TBC1D22B: variants seen among roughly 807,000 people sequenced by gnomAD.
TBC1D22B encodes chromosome 6 open reading frame 197.
Under a neutral mutation model 69.1 loss-of-function variants are expected in TBC1D22B, and 32 were observed. The ratio of observed to expected loss-of-function variants is 0.46; its 90% confidence interval spans 0.35 to 0.62. The LOEUF is 0.62. Among genes scored for constraint, TBC1D22B ranks in the 20% least tolerant of loss-of-function variants. The pLI is 0.00. For missense variants in TBC1D22B, 462 were observed against 630.9 expected (o/e 0.73, Z 2.87); for synonymous variants, 206 against 229.8 (o/e 0.90, Z 0.94).
Position 37,257,866 on chromosome 6 carries a change from C to G in TBC1D22B, c.-52C>G. The G allele has an allele frequency of 6.3e-7, 1 of 1,593,290 alleles. No homozygotes were observed. Among genetic ancestry groups the G allele is most frequent in the Non-Finnish European group, 8.6e-7 (1 of 1,169,158 alleles). ...CTCAGATTGCGGGGTCTGGGGGCAT[C>G]TCGCCGGGCAAACCCTTGGCCCGCC... On this transcript the variant is annotated 5_prime_UTR_variant, in exon 1 of 13. In the 5' UTR this introduces an upstream ATG that the reference lacks. Coordinates refer to ENST00000373491, the MANE Select transcript of TBC1D22B (RefSeq NM_017772.4).
At chr6:37,318,931 C>CTT (rs1768161483) in intron 12 of TBC1D22B, among the ~76,000 whole-genome samples, 1 of 152,114 alleles carries the variant, frequency 6.6e-6, no homozygotes, top group Admixed American at 6.6e-5. Context: ...GTATATACCT[C>CTT]TTTTAAAAGC....
At chr6:37,286,451 G>T (rs1195016753) in intron 6 of TBC1D22B, among the ~76,000 whole-genome samples, 1 of 151,670 alleles carries the variant, frequency 6.6e-6, no homozygotes, top group Non-Finnish European at 1.5e-5. Context: ...GAGTAGCTGG[G>T]ACTACAGGCA....
chr6:37,274,966 C>T (rs1263508675), intron 2 of TBC1D22B, among the ~76,000 whole-genome samples: 5 of 152,160 alleles, frequency 3.3e-5, no homozygotes, highest in South Asian at 2.1e-4. Context: ...GCAAGAGAAT[C>T]GCTTGAACCC....
Position 37,269,601 on chromosome 6 carries a change from C to A in TBC1D22B, c.64C>A (p.Pro22Thr), listed in dbSNP as rs1766417022. ...TTTTGTTTTTGCTTTTAGCATTCAG[C>A]CTGTATATGGAGCACAGCATCCTCC... ...RSAKLPGSIQ[P>T]VYGAQHPPLD... The change falls in exon 2 of 13, where the codon CCT (proline) becomes ACT (threonine). Residue 22 changes from proline to threonine, a missense_variant. By Grantham distance (38) the Pro-to-Thr change is conservative (BLOSUM62 -1). Transcript: ENST00000373491. 6.2e-7 allele frequency: 1 copy of A among 1,613,950 alleles called. No individual in the cohort carries two copies. Among genetic ancestry groups the A allele is most frequent in the Non-Finnish European group, 8.5e-7 (1 of 1,179,980 alleles).
chr6:37,301,938 A>AC (rs549315385), intron 8 of TBC1D22B, among the ~76,000 whole-genome samples: 61 of 151,932 alleles, frequency 4.0e-4, no homozygotes, highest in African/African-American at 1.5e-3. Flanking sequence ...AGGCATCCTT[A>AC]CCCCACTGCC....
intron 8 of TBC1D22B, among the ~76,000 whole-genome samples, chr6:37,294,887 G>T (rs1286926645): frequency 6.6e-6 from 1 of 152,134 alleles, no homozygotes; most frequent in African/African-American, 2.4e-5. Context: ...TGTGGATCAA[G>T]AAGTCATTTC....
In TBC1D22B at chr6:37,296,925, C is replaced by G. The variant is rs561237888; in HGVS notation, c.982+5568C>G. ...CACTGCAAGCTCCATCTCCCGGGCT[C>G]AAGCAATCCTCCCACTTCAGCCTCC... On this transcript the variant is annotated intron_variant, in intron 8 of 12. Coordinates refer to ENST00000373491, the MANE Select transcript of TBC1D22B (RefSeq NM_017772.4). 1.2e-4 allele frequency among the ~76,000 whole-genome samples: 19 copies of G among 152,122 alleles called. No individual in the cohort carries two copies. The East Asian group carries it at 3.5e-3, about 28-fold the overall frequency.
intron 2 of TBC1D22B, among the ~76,000 whole-genome samples, chr6:37,273,183 C>CAAAA (rs58720560): frequency 2.6e-5 from 2 of 77,270 alleles, no homozygotes; most frequent in African/African-American, 4.8e-5. Flanking sequence ...AACCCCGAGG[C>CAAAA]AAAAAAAAAA....
Position 37,331,050 on chromosome 6 carries a change from C to T in TBC1D22B, c.1396C>T (p.Leu466Phe), listed in dbSNP as rs1296466920. The change falls in exon 13 of 13, where the codon CTC becomes TTC. Residue 466 changes from leucine (L) to phenylalanine (F), a missense_variant. Physicochemically the swap from Leu to Phe is conservative, Grantham distance 22. Around this residue, in one of 2 missense-constraint regions of TBC1D22B, gnomAD observed 225 missense variants for 375.4 expected, o/e 0.60. Transcript: ENST00000373491. ...GTCCTTTCTTGCATTCCAGGGTCTC[C>T]TCATGCTGCTACAGAACCTACCTAC... ...ILDEEDFQGL[L>F]MLLQNLPTIH... 1 of 1,613,964 alleles carries T rather than the reference C, an allele frequency of 6.2e-7. No individual in the cohort carries two copies. The highest frequency in any genetic ancestry group is 8.5e-7 in the Non-Finnish European group (1 of 1,179,992).
intron 1 of TBC1D22B, among the ~76,000 whole-genome samples, chr6:37,267,579 A>T (rs60979150): frequency 0.83 from 121,106 of 145,686 alleles, 50,739 homozygotes; most frequent in South Asian, 0.91. Context: ...ACATATATAT[A>T]TTCTGATAAT....
chr6:37,312,361 AG>A (rs2113780125), intron 8 of TBC1D22B, among the ~76,000 whole-genome samples: 1 of 152,304 alleles, frequency 6.6e-6, no homozygotes, highest in South Asian at 2.1e-4. Flanking sequence ...ATTAAGTCCT[AG>A]AAGCACTCAC....
intron 2 of TBC1D22B, among the ~76,000 whole-genome samples, chr6:37,277,463 C>CTTT (rs1163535035): frequency 3.0e-5 from 4 of 134,006 alleles, no homozygotes; most frequent in Non-Finnish European, 3.2e-5. Flanking sequence ...TCCTATAGTT[C>CTTT]TTTTTTTTTT....
rs934895842 is a variant in TBC1D22B, at chr6:37,266,753, G to A, written c.57-2841G>A. On this transcript the variant is annotated intron_variant, in intron 1 of 12. Coordinates refer to ENST00000373491, the MANE Select transcript of TBC1D22B (RefSeq NM_017772.4). ...GCTGGGATTACAGGCGTGAGCCACC[G>A]CACCTGGCCAGAACTGCCTCATTCT... Among the ~76,000 whole-genome samples the A allele has an allele frequency of 2.6e-5, 4 of 151,416 alleles. No individual in the cohort carries two copies. In the South Asian group the frequency reaches 8.3e-4, roughly 32 times the overall value.
At chr6:37,265,548 C>T (rs369340769) in intron 1 of TBC1D22B, among the ~76,000 whole-genome samples, 3 of 150,922 alleles carry the variant, frequency 2.0e-5, no homozygotes, top group East Asian at 3.9e-4. Context: ...TTTTTTTTCC[C>T]GTGGTCAGTG....
intron 6 of TBC1D22B, among the ~76,000 whole-genome samples, chr6:37,286,498 G>C (rs1272177549): frequency 1.3e-5 from 2 of 151,634 alleles, no homozygotes; most frequent in Non-Finnish European, 1.5e-5. Flanking sequence ...TGTATTTTTA[G>C]TAGAGACAGG....
intron 2 of TBC1D22B, among the ~76,000 whole-genome samples, chr6:37,275,117 G>A (rs1766626723): frequency 6.6e-6 from 1 of 152,118 alleles, no homozygotes; most frequent in South Asian, 2.1e-4. Context: ...TTTACATTGA[G>A]TTAAGTGTAA....
intron 12 of TBC1D22B, among the ~76,000 whole-genome samples, chr6:37,322,221 T>A (rs1282434040): frequency 6.6e-6 from 1 of 152,196 alleles, no homozygotes; most frequent in Non-Finnish European, 1.5e-5. Flanking sequence ...CAGGGCCTCC[T>A]GTTGCCACTC....
At chr6:37,290,515 T>A (rs563582924) in intron 7 of TBC1D22B, among the ~76,000 whole-genome samples, 32 of 152,264 alleles carry the variant, frequency 2.1e-4, no homozygotes, top group Admixed American at 2.0e-3. Context: ...AGATCTTTCC[T>A]TTGTCCCCAG....
At position 37,331,216 on chromosome 6, in the gene TBC1D22B, G is replaced by A. The variant is rs778558956; in HGVS notation, c.*44G>A. ...ACCCAGACTGCCTTCATCTCTGATG[G>A]CAGTCTGATCACTGTGGCCACTGTG... On this transcript the variant is annotated 3_prime_UTR_variant, in exon 13 of 13. Coordinates refer to ENST00000373491, the MANE Select transcript of TBC1D22B (RefSeq NM_017772.4). The A allele has an allele frequency of 9.6e-5, 155 of 1,607,322 alleles. No homozygotes were observed. Among genetic ancestry groups the A allele is most frequent in the Non-Finnish European group, 1.3e-4 (150 of 1,175,044 alleles).
Sources: allele counts gnomAD v4.1 joint callset (sites outside exome capture counted in the v4.1 genomes callset), GRCh38; gene constraint gnomAD v4.1.1; regional missense constraint gnomAD v4.1.1; transcripts MANE v1.5; gene names NCBI Gene and HGNC (gene_info 2026-07-23, HGNC 2026-07-21).